The following RABGAP1L variants were observed in gnomAD, a reference collection of about 807,000 sequenced individuals.
RABGAP1L encodes RAB GTPase activating protein 1 like.
Under a neutral mutation model 137.7 loss-of-function variants are expected in RABGAP1L, and 63 were observed. That is an observed-to-expected ratio of 0.46 (90% CI 0.37 to 0.56). The LOEUF (loss-of-function observed/expected upper bound fraction) is 0.56, where lower values mean the gene tolerates loss of function less well. Among genes scored for constraint, RABGAP1L ranks in the 20% least tolerant of loss-of-function variants. The pLI is 0.00. For synonymous variants in RABGAP1L, 431 were observed against 433.7 expected, an observed-to-expected ratio of 0.99 and a Z score of 0.08; for missense variants, 1,095 against 1,244.0, an observed-to-expected ratio of 0.88 and a Z score of 1.80.
intron 13 of RABGAP1L, among the ~76,000 whole-genome samples, chr1:174,445,417 A>G (rs1038473278): frequency 1.3e-5 from 2 of 152,128 alleles, no homozygotes; most frequent in African/African-American, 4.8e-5. Context: ...TAAAAAGTGG[A>G]TAAGCAATGT....
intron 13 of RABGAP1L, among the ~76,000 whole-genome samples, chr1:174,416,019 C>CATACATATATATATATATATATATATAT (rs1192968896): frequency 7.7e-6 from 1 of 129,050 alleles, no homozygotes; most frequent in African/African-American, 3.7e-5. Context: ...AGAAAATTTA[C>CATACATATATATATATATATATATATAT]ATATATATAT....
intron 10 of RABGAP1L, among the ~76,000 whole-genome samples, chr1:174,300,158 A>G (rs1171951118): frequency 2.0e-5 from 3 of 152,318 alleles, no homozygotes; most frequent in East Asian, 1.9e-4. Context: ...GCAATCCCAT[A>G]TACCTAAACA....
At chr1:174,928,617 A>G (rs1196225863) in intron 19 of RABGAP1L, among the ~76,000 whole-genome samples, 1 of 152,070 alleles carries the variant, frequency 6.6e-6, no homozygotes, top group African/African-American at 2.4e-5. Context: ...GAACTCGGGA[A>G]ATGATTCTAA....
intron 22 of RABGAP1L, 142 bp from the exon 23 acceptor site, chr1:174,978,665 T>C: frequency 9.8e-7 from 1 of 1,017,752 alleles, no homozygotes; most frequent in Non-Finnish European, 1.3e-6. Context: ...ATTATCAAGA[T>C]GCAGCTTCCA....
intron 17 of RABGAP1L, chr1:174,705,212 T>TG (rs1393540821): frequency 1.4e-5 from 2 of 141,358 alleles, no homozygotes; most frequent in Non-Finnish European, 3.0e-5. Context: ...GTGGTATCTC[T>TG]GCCCTTCAGT....
At chr1:174,659,030 A>G (rs1676179097) in intron 14 of RABGAP1L, among the ~76,000 whole-genome samples, 1 of 152,196 alleles carries the variant, frequency 6.6e-6, no homozygotes, top group African/African-American at 2.4e-5. Context: ...GACCCTATCC[A>G]GGCAGCTCCA....
rs7525402 is a variant in RABGAP1L at position 174,367,934 on chromosome 1, C to G, written c.1466-3045C>G. ...TTTCTTTCAATTCAGTTTGATGACACCAGCCAAAGACATACCAATTTTGTC... is the reference window on the plus strand; with the variant it reads ...TTTCTTTCAATTCAGTTTGATGACAGCAGCCAAAGACATACCAATTTTGTC... On this transcript the variant is annotated intron_variant, in intron 11 of 25. Coordinates refer to ENST00000681986, the MANE Select transcript of RABGAP1L (RefSeq NM_001366446.1). The G allele has an allele frequency of 9.4e-3, 1,457 of 154,232 alleles. 24 individuals carry two copies. The highest frequency in any genetic ancestry group is 0.033 in the African/African-American group (1,392 of 41,582). The allele number at this position is 154,232 out of a possible 1,614,324, so 9.6% of individuals were successfully genotyped here. A position where few individuals can be genotyped will look rare whatever the true frequency, so the allele number is the denominator to read the frequency against.
At chr1:174,231,119 G>T in intron 3 of RABGAP1L, 26 bp from the exon 4 acceptor site, 1 of 1,539,254 alleles carries the variant, frequency 6.5e-7, no homozygotes, top group South Asian at 1.1e-5. Context: ...AATGACTTTT[G>T]AGTGTTTCTT....
chr1:174,975,905 A>G (rs1670604245), intron 21 of RABGAP1L, 173 bp from the exon 22 acceptor site: 1 of 583,010 alleles, frequency 1.7e-6, no homozygotes, highest in Non-Finnish European at 3.1e-6. Flanking sequence ...TAGATGGCAC[A>G]TAGTTGGCAT....
chr1:174,763,613 T>C lies in RABGAP1L; in HGVS notation c.2211+11259T>C, dbSNP rs543460311. On this transcript the variant is annotated intron_variant, in intron 18 of 25. Transcript: ENST00000681986. ...TTGCAGTGAGCCAAGATCGCGCCAC[T>C]GCACTCCAGCCTGGGCGACAGAGCG... 2.5e-3 allele frequency among the ~76,000 whole-genome samples: 293 copies of C among 119,492 alleles called. 4 individuals are homozygous for C. Among genetic ancestry groups the C allele is most frequent in the South Asian group, 7.1e-3 (24 of 3,388 alleles). The allele number at this position is 119,492 out of a possible 152,430, so 78.4% of individuals were successfully genotyped here.
chr1:174,537,372 G>T (rs543865991), intron 13 of RABGAP1L, among the ~76,000 whole-genome samples: 1 of 152,184 alleles, frequency 6.6e-6, no homozygotes, highest in South Asian at 2.1e-4. Flanking sequence ...TTCTCTCAGG[G>T]TACAAAAGTT....
Position 174,278,680 on chromosome 1 carries a change from T to C in RABGAP1L, c.1224T>C (p.Phe408=). ...CAGAGGTGGTGGAGCCTGTTCGCTT[T>C]CTCCTGGAGACAGTAGTCCGTGTGT... ...VVTEVVEPVR[F]LLETVVRVYP... The change falls in exon 10 of 26, where the codon TTT becomes TTC. Residue 408 remains phenylalanine (F), a synonymous_variant. Transcript: ENST00000681986. The C allele has an allele frequency of 6.2e-7, 1 of 1,613,312 alleles. No homozygotes were observed. The highest frequency in any genetic ancestry group is 8.5e-7 in the Non-Finnish European group (1 of 1,179,652).
chr1:174,571,078 C>G, intron 13 of RABGAP1L, among the ~76,000 whole-genome samples: 1 of 152,066 alleles, frequency 6.6e-6, no homozygotes, highest in Non-Finnish European at 1.5e-5. Flanking sequence ...CAATGGAGTA[C>G]TAGCCAGACA....
intron 19 of RABGAP1L, among the ~76,000 whole-genome samples, chr1:174,866,183 CAA>C (rs1389611247): frequency 4.6e-5 from 6 of 130,802 alleles, no homozygotes; most frequent in African/African-American, 1.7e-4. Flanking sequence ...TGCCAATATT[CAA>C]AGAGTTTAAA....
chr1:174,655,896 C>A (rs1446675486), intron 14 of RABGAP1L, among the ~76,000 whole-genome samples: 1 of 152,168 alleles, frequency 6.6e-6, no homozygotes, highest in Non-Finnish European at 1.5e-5. Context: ...GAAAGATGTT[C>A]CAGGCTTATG....
At chr1:174,456,885 C>G (rs1036066720) in intron 13 of RABGAP1L, among the ~76,000 whole-genome samples, 10 of 152,016 alleles carry the variant, frequency 6.6e-5, no homozygotes, top group Non-Finnish European at 1.2e-4. Flanking sequence ...TTGCAAAGTC[C>G]AAATTTGGAT....
intron 13 of RABGAP1L, among the ~76,000 whole-genome samples, chr1:174,611,005 T>G (rs1164525042): frequency 6.6e-6 from 1 of 150,938 alleles, no homozygotes; most frequent in Non-Finnish European, 1.5e-5. Context: ...TTCTGTAGGT[T>G]GCCTGTTCAC....
At chr1:174,640,162 C>T (rs1674412369) in intron 14 of RABGAP1L, among the ~76,000 whole-genome samples, 1 of 152,074 alleles carries the variant, frequency 6.6e-6, no homozygotes, top group African/African-American at 2.4e-5. Flanking sequence ...TGGATATGAG[C>T]AGAGATGTAT....
chr1:174,702,173 G>T lies in RABGAP1L; in HGVS notation c.2086G>T (p.Ala696Ser). 1 of 1,611,956 alleles carries T rather than the reference G, an allele frequency of 6.2e-7. No homozygotes were observed. Among genetic ancestry groups the T allele is most frequent in the Non-Finnish European group, 8.5e-7 (1 of 1,178,712 alleles). Residue 696 changes from alanine to serine, a missense_variant, in exon 17 of 26, where the codon GCA (alanine) becomes TCA (serine). Coordinates refer to ENST00000681986, the MANE Select transcript of RABGAP1L (RefSeq NM_001366446.1). ...SDLNLEAHMY[A>S]SQWFLTLFTA... ...TCTGAACCTGGAAGCTCATATGTAT[G>T]CATCCCAGTGGTTTCTCACTCTTTT...
Sources: allele counts gnomAD v4.1 joint callset (sites outside exome capture counted in the v4.1 genomes callset), GRCh38; gene constraint gnomAD v4.1.1; transcripts MANE v1.5; gene names NCBI Gene and HGNC (gene_info 2026-07-23, HGNC 2026-07-21).